The following CADPS2 variants were observed in gnomAD, a reference collection of about 807,000 sequenced individuals.
The protein encoded by CADPS2 is calcium-dependent secretion activator 2.
CADPS2 carries 93 observed loss-of-function variants against 172.5 expected under a neutral mutation model. That is an observed-to-expected ratio of 0.54 (90% CI 0.46 to 0.64). CADPS2 has a LOEUF of 0.64. Ranked by LOEUF, CADPS2 falls within the 30% of genes least tolerant of loss-of-function variation. The pLI, the probability that CADPS2 is intolerant of heterozygous loss-of-function variation, is 0.00. For synonymous variants in CADPS2, 546 were observed against 555.2 expected (o/e 0.98, Z 0.23); for missense variants, 1,420 against 1,565.9 (o/e 0.91, Z 1.57).
intron 6 of CADPS2, among the ~76,000 whole-genome samples, chr7:122,610,429 A>G (rs2074149163): frequency 7.3e-6 from 1 of 136,886 alleles, no homozygotes; most frequent in South Asian, 2.2e-4. Context: ...AAACTACGAT[A>G]AGCAAAAAAA....
chr7:122,688,067 G>A (rs2083863286), intron 2 of CADPS2, among the ~76,000 whole-genome samples: 3 of 152,156 alleles, frequency 2.0e-5, no homozygotes, highest in Non-Finnish European at 4.4e-5. Flanking sequence ...CTCACTGAAT[G>A]TCATTATTAT....
At chr7:122,681,770 T>C in intron 2 of CADPS2, 2 of 507,306 alleles carry the variant, frequency 3.9e-6, no homozygotes, top group Non-Finnish European at 6.7e-6. Context: ...AAACAACATC[T>C]AAAAAAAAAT....
Position 122,471,484 on chromosome 7 carries a change from G to A in CADPS2, c.2077C>T (p.Leu693Phe), listed in dbSNP as rs778313912. Residue 693 changes from leucine to phenylalanine, a missense_variant, in exon 14 of 30, where the codon CTC becomes TTC. Leu to Phe is a conservative substitution (Grantham distance 22). Transcript: ENST00000449022. Reference protein sequence around the residue: ...RYGVRGCHRHLCYLAELMEHS... With the variant: ...RYGVRGCHRHFCYLAELMEHS... ...TCCATCAGTTCTGCAAGGTAGCAGA[G>A]ATGTCTGTGACAGCCTCTCACACCA... 1 of 1,613,092 alleles carries A rather than the reference G, an allele frequency of 6.2e-7. No homozygotes were observed. Among genetic ancestry groups the A allele is most frequent in the South Asian group, 1.1e-5 (1 of 90,970 alleles).
At chr7:122,351,229 T>C (rs573081129) in intron 27 of CADPS2, among the ~76,000 whole-genome samples, 1 of 150,896 alleles carries the variant, frequency 6.6e-6, no homozygotes, top group Admixed American at 6.6e-5. Context: ...AAAAATTAGC[T>C]GGGCATGGTG....
At chr7:122,561,362 T>A (rs1025507966) in intron 7 of CADPS2, among the ~76,000 whole-genome samples, 10 of 152,004 alleles carry the variant, frequency 6.6e-5, no homozygotes, top group African/African-American at 2.4e-4. Context: ...AGGCCTTTTT[T>A]TGAAAAAACA....
chr7:122,481,162 C>CTTTTTTTTTTTTTTTTT (rs35352953), intron 11 of CADPS2, among the ~76,000 whole-genome samples: 2 of 107,546 alleles, frequency 1.9e-5, no homozygotes, highest in Non-Finnish European at 3.7e-5. Flanking sequence ...TTTCTTCATT[C>CTTTTTTTTTTTTTTTTT]TTTTTTTTTT....
At chr7:122,386,255 T>C in intron 24 of CADPS2, 1 of 1,301,370 alleles carries the variant, frequency 7.7e-7, no homozygotes, top group Admixed American at 2.9e-5. Context: ...AAATAATAAC[T>C]CAAATGAAAT....
At chr7:122,459,426 C>T (rs1051008266) in intron 14 of CADPS2, among the ~76,000 whole-genome samples, 4 of 151,960 alleles carry the variant, frequency 2.6e-5, no homozygotes, top group Non-Finnish European at 5.9e-5. Flanking sequence ...TTCAAGTATT[C>T]GATACATATT....
chr7:122,752,880 A>G (rs1378079409), intron 1 of CADPS2, among the ~76,000 whole-genome samples: 2 of 152,192 alleles, frequency 1.3e-5, no homozygotes, highest in East Asian at 3.8e-4. Context: ...AGCGGGGCAC[A>G]TAAAAGAGAA....
chr7:122,853,466 T>C (rs554181164), intron 1 of CADPS2, among the ~76,000 whole-genome samples: 18 of 152,342 alleles, frequency 1.2e-4, no homozygotes, highest in Admixed American at 9.8e-4. Flanking sequence ...CTTTGTTGCT[T>C]TAGCCCAAAG....
Position 122,621,576 on chromosome 7 carries a change from A to T in CADPS2, c.1009T>A (p.Leu337Ile). 1 of 1,613,882 alleles carries T rather than the reference A, an allele frequency of 6.2e-7. No individual in the cohort carries two copies. Among genetic ancestry groups the T allele is most frequent in the Non-Finnish European group, 8.5e-7 (1 of 1,179,836 alleles). ...KGGPEFKLQK[L>I]KRSQNSAFLD... ...AATGCAGAGTTCTGTGAACGTTTTA[A>T]TTTTTGTAATTTAAATTCCGGACCA... is the stretch of plus-strand genomic sequence containing the variant. Residue 337 changes from leucine to isoleucine, a missense_variant, in exon 5 of 30, where the codon TTA becomes ATA. Physicochemically the swap from Leu to Ile is conservative, Grantham distance 5 (BLOSUM62 2). Coordinates refer to ENST00000449022, the MANE Select transcript of CADPS2 (RefSeq NM_017954.11).
At chr7:122,581,335 T>C in intron 6 of CADPS2, 45 bp from the exon 7 acceptor site, 1 of 1,505,624 alleles carries the variant, frequency 6.6e-7, no homozygotes, top group Non-Finnish European at 9.2e-7. Flanking sequence ...CAGCATTATT[T>C]TTTTCCCCAA....
chr7:122,866,928 T>C (rs1022233895), intron 1 of CADPS2, among the ~76,000 whole-genome samples: 12 of 152,154 alleles, frequency 7.9e-5, no homozygotes, highest in Non-Finnish European at 1.5e-4. Context: ...TCTTCCCACT[T>C]TCCTCTTCTC....
At chr7:122,835,944 C>T (rs1254186002) in intron 1 of CADPS2, among the ~76,000 whole-genome samples, 1 of 152,070 alleles carries the variant, frequency 6.6e-6, no homozygotes, top group African/African-American at 2.4e-5. Context: ...CAAAGATACT[C>T]CTCGAGAAGA....
chr7:122,621,985 T>A (rs796988610), intron 4 of CADPS2, among the ~76,000 whole-genome samples: 1 of 152,152 alleles, frequency 6.6e-6, no homozygotes, highest in Admixed American at 6.5e-5. Flanking sequence ...GTGATAAGAT[T>A]TGCTTAAGGA....
chr7:122,486,879 C>A (rs1003073494), intron 11 of CADPS2, among the ~76,000 whole-genome samples: 1 of 152,098 alleles, frequency 6.6e-6, no homozygotes, highest in African/African-American at 2.4e-5. Context: ...TGAGGCAAGA[C>A]CCTCTACCAG....
Position 122,574,824 on chromosome 7 carries a change from C to A in CADPS2, c.1335+6355G>T, listed in dbSNP as rs188515229. ...AATCTATGAATCTTTAGCTAAAACACTGAGTGAAAGGTGGTTAGAGAAACT... is the reference window on the plus strand; with the variant it reads ...AATCTATGAATCTTTAGCTAAAACAATGAGTGAAAGGTGGTTAGAGAAACT... On this transcript the variant is annotated intron_variant, in intron 7 of 29. Transcript: ENST00000449022. Among the ~76,000 whole-genome samples, 105 of 152,182 alleles carry A rather than the reference C, an allele frequency of 6.9e-4. 1 individual carries two copies. The highest frequency in any genetic ancestry group is 2.4e-3 in the African/African-American group (100 of 41,510).
chr7:122,849,270 A>G (rs1345085718), intron 1 of CADPS2, among the ~76,000 whole-genome samples: 1 of 152,242 alleles, frequency 6.6e-6, no homozygotes, highest in East Asian at 1.9e-4. Context: ...GCTCTCCTCA[A>G]TCTGTAAAAT....
intron 6 of CADPS2, among the ~76,000 whole-genome samples, chr7:122,583,089 A>G (rs944745492): frequency 1.3e-5 from 2 of 151,972 alleles, no homozygotes; most frequent in Non-Finnish European, 2.9e-5. Context: ...CGGAGGAAAA[A>G]AAAAAACTGC....
Sources: gnomAD v4.1 joint callset for allele counts (sites outside exome capture counted in the v4.1 genomes callset) on GRCh38, gnomAD v4.1.1 for gene constraint, MANE v1.5 for transcripts, NCBI Gene and HGNC (gene_info 2026-07-23, HGNC 2026-07-21) for gene names.